Variants in SLC25A44 observed in about 807,000 individuals in gnomAD.
SLC25A44 encodes the protein solute carrier family 25 member 44.
A neutral mutation model predicts 29.9 loss-of-function variants in SLC25A44; 17 were observed. The observed-to-expected ratio is 0.57, with a 90% CI of 0.39 to 0.85. The LOEUF is 0.85. Ranked by LOEUF, SLC25A44 falls within the 40% of genes least tolerant of loss-of-function variation. The pLI is 0.00. For missense variants in SLC25A44, 302 were observed against 398.4 expected (o/e 0.76, Z 2.06); for synonymous variants, 140 against 151.8 (o/e 0.92, Z 0.57).
chr1:156,197,750 C>T (rs937449327), intron 1 of SLC25A44: 2 of 152,182 alleles, frequency 1.3e-5, no homozygotes, highest in African/African-American at 4.8e-5. Flanking sequence ...GAGCGAGACT[C>T]CGTCTGAAAA....
At chr1:156,202,830 C>G (rs1258731658) in intron 2 of SLC25A44, among the ~76,000 whole-genome samples, 1 of 152,158 alleles carries the variant, frequency 6.6e-6, no homozygotes, top group Non-Finnish European at 1.5e-5. Context: ...GCTTGTATAT[C>G]TCATAATTCC....
chr1:156,195,173 G>A (rs1656129133), intron 1 of SLC25A44, among the ~76,000 whole-genome samples: 1 of 150,114 alleles, frequency 6.7e-6, no homozygotes, highest in African/African-American at 2.5e-5. Flanking sequence ...GCGCAATCTC[G>A]GCTCACTGCA....
intron 2 of SLC25A44, among the ~76,000 whole-genome samples, chr1:156,205,336 C>T (rs1025791410): frequency 1.3e-5 from 2 of 152,198 alleles, no homozygotes; most frequent in African/African-American, 4.8e-5. Flanking sequence ...GCCACCACGC[C>T]TGGCCGAGGA....
intron 2 of SLC25A44, among the ~76,000 whole-genome samples, chr1:156,207,416 T>C (rs982631009): frequency 6.6e-6 from 1 of 152,136 alleles, no homozygotes; most frequent in South Asian, 2.1e-4. Flanking sequence ...CCTGACCTCA[T>C]GATCTGCCCG....
chr1:156,205,123 A>G (rs577961461), intron 2 of SLC25A44, among the ~76,000 whole-genome samples: 1 of 151,426 alleles, frequency 6.6e-6, no homozygotes, highest in Non-Finnish European at 1.5e-5. Flanking sequence ...GGCTCACCGC[A>G]ACCTCCACCT....
rs1236776833 is a variant in SLC25A44, at chr1:156,207,950, C to T, written c.690C>T (p.Pro230=). Residue 230 remains proline, a synonymous_variant, in exon 3 of 4, where the codon CCC becomes CCT. Transcript: ENST00000359511. ...PHIVFQAVSG[P]LAAATASILT... is the part of the protein sequence containing the mutation. Reference sequence around the variant, plus strand: ...TTGTCTTTCAAGCTGTCTCGGGGCCCCTGGCTGCAGCCACTGCCTCCATCC... The same window carrying T: ...TTGTCTTTCAAGCTGTCTCGGGGCCTCTGGCTGCAGCCACTGCCTCCATCC... The T allele has an allele frequency of 1.9e-6, 3 of 1,613,980 alleles. No individual in the cohort carries two copies. Among genetic ancestry groups the T allele is most frequent in the East Asian group, 2.2e-5 (1 of 44,882 alleles).
chr1:156,211,713 TAGGAG>T lies in SLC25A44; in HGVS notation c.*1288_*1292del, dbSNP rs1285196700. The T allele has an allele frequency of 6.5e-6, 1 of 152,748 alleles. No homozygotes were observed. Among genetic ancestry groups the T allele is most frequent in the African/African-American group, 2.4e-5 (1 of 41,432 alleles). 9.5% of individuals were successfully genotyped at this position (152,748 alleles called of 1,614,324 possible). ...ATTATCTGATGCTCTCCTCAGGAGC[TAGGAG>T]AGGAGTGCTCCTTCCTCCCTACCGC... On this transcript the variant is annotated 3_prime_UTR_variant, in exon 4 of 4. Coordinates refer to ENST00000359511, the MANE Select transcript of SLC25A44 (RefSeq NM_014655.4).
intron 2 of SLC25A44, among the ~76,000 whole-genome samples, chr1:156,207,157 G>C (rs1656992987): frequency 6.6e-6 from 1 of 151,492 alleles, no homozygotes; most frequent in Admixed American, 6.6e-5. Context: ...GCGCAACATA[G>C]TGAGACTCTC....
rs1287401296 is a variant in SLC25A44, at chr1:156,194,152, A to T, written c.-109A>T. 1 of 152,840 alleles carries T rather than the reference A, an allele frequency of 6.5e-6. No individual in the cohort carries two copies. The highest frequency in any genetic ancestry group is 1.5e-5 in the Non-Finnish European group (1 of 68,080). The allele number at this position is 152,840 out of a possible 1,614,324, so 9.5% of individuals were successfully genotyped here. On this transcript the variant is annotated 5_prime_UTR_variant, in exon 1 of 4. Coordinates refer to ENST00000359511, the MANE Select transcript of SLC25A44 (RefSeq NM_014655.4). ...GAGGAAGATGCGACCGGCAGACGGC[A>T]TTCGCTGGGAACGACGGATAGACTG...
In SLC25A44 at chr1:156,208,032, C is replaced by T. The variant is rs1657067583; in HGVS notation, c.753+19C>T. ...TGTGCAGGTAAGACTGACCACTTCC[C>T]TCACCCTCCTCCTGGAGAAGCCATT... is the stretch of plus-strand genomic sequence containing the variant. On this transcript the variant is annotated intron_variant, in intron 3 of 3. Transcript: ENST00000359511. 1 of 1,611,920 alleles carries T rather than the reference C, an allele frequency of 6.2e-7. No individual in the cohort carries two copies. Among genetic ancestry groups the T allele is most frequent in the Non-Finnish European group, 8.5e-7 (1 of 1,178,190 alleles).
intron 2 of SLC25A44, among the ~76,000 whole-genome samples, chr1:156,201,954 A>C (rs947063883): frequency 2.0e-5 from 3 of 152,208 alleles, no homozygotes; most frequent in African/African-American, 4.8e-5. Context: ...TTCTGGACAG[A>C]CATTCTGACT....
rs535439041 is a variant in SLC25A44, at chr1:156,194,655, C to A, written c.-14+408C>A. On this transcript the variant is annotated intron_variant, in intron 1 of 3. Coordinates refer to ENST00000359511, the MANE Select transcript of SLC25A44 (RefSeq NM_014655.4). Reference sequence around the variant, plus strand: ...TCTCGAAGGAGGGTTCGGAGGCATCCCCAGGCATTCCCCTAGGGAAATGTA... The same window carrying A: ...TCTCGAAGGAGGGTTCGGAGGCATCACCAGGCATTCCCCTAGGGAAATGTA... Among the ~76,000 whole-genome samples the A allele has an allele frequency of 2.0e-5, 3 of 152,120 alleles. No individual in the cohort carries two copies. The East Asian group carries it at 5.8e-4, about 29-fold the overall frequency.
At chr1:156,196,115 T>C (rs1325481814) in intron 1 of SLC25A44, 1 of 152,236 alleles carries the variant, frequency 6.6e-6, no homozygotes, top group Non-Finnish European at 1.5e-5. Context: ...GAAAGAGCCC[T>C]AAAGAAGTTG....
chr1:156,212,042 T>G lies in SLC25A44; in HGVS notation c.*1611T>G, dbSNP rs2075163. On this transcript the variant is annotated 3_prime_UTR_variant, in exon 4 of 4. Coordinates refer to ENST00000359511, the MANE Select transcript of SLC25A44 (RefSeq NM_014655.4). ...CTCTTTGAGGGTTTTCCCATTTCAC[T>G]TGATCTTATTTTTGTTTATCCCTTC... The G allele has an allele frequency of 0.048, 7,369 of 152,952 alleles. 293 individuals carry two copies. Among genetic ancestry groups the G allele is most frequent in the East Asian group, 0.23 (1,225 of 5,314 alleles). The allele number at this position is 152,952 out of a possible 1,614,324, so 9.5% of individuals were successfully genotyped here. A position where few individuals can be genotyped will look rare whatever the true frequency, so the allele number is the denominator to read the frequency against.
chr1:156,210,389 ACT>A lies in SLC25A44; in HGVS notation c.905_906del (p.Leu302GlnfsTer5), dbSNP rs1408877952. 1 of 1,602,270 alleles carries A rather than the reference ACT, an allele frequency of 6.2e-7. No homozygotes were observed. ...TGGTGGGCTATGAGAGCCTCAAGAA[ACT>A]CAGCCTCCGACCTGAGCTGGTGGAC... ...IVVGYESLKK[L>X]SLRPELVDSR... On this transcript the variant is annotated frameshift_variant, in exon 4 of 4. Transcript: ENST00000359511. LOFTEE classifies it high-confidence loss of function.
chr1:156,206,572 G>A (rs1656944458), intron 2 of SLC25A44, among the ~76,000 whole-genome samples: 1 of 151,036 alleles, frequency 6.6e-6, no homozygotes, highest in Non-Finnish European at 1.5e-5. Flanking sequence ...TTACTCTGAT[G>A]CCCAGGCTGC....
intron 2 of SLC25A44, among the ~76,000 whole-genome samples, chr1:156,203,063 A>G (rs564895308): frequency 6.6e-6 from 1 of 152,264 alleles, no homozygotes; most frequent in Admixed American, 6.5e-5. Flanking sequence ...TTTCCTTTCC[A>G]TGGTCTATAC....
chr1:156,210,536 C>T lies in SLC25A44; in HGVS notation c.*105C>T. 1.3e-6 allele frequency: 1 copy of T among 783,110 alleles called. No homozygotes were observed. Among genetic ancestry groups the T allele is most frequent in the Non-Finnish European group, 1.9e-6 (1 of 517,220 alleles). 48.5% of individuals were successfully genotyped at this position (783,110 alleles called of 1,614,324 possible). ...AGGTGCTCCCACCACACACCCAGCC[C>T]TGCCCTGGGCCAAGTGGCCTATCTG... On this transcript the variant is annotated 3_prime_UTR_variant, in exon 4 of 4. Coordinates refer to ENST00000359511, the MANE Select transcript of SLC25A44 (RefSeq NM_014655.4).
In SLC25A44 at chr1:156,211,894, A is replaced by G. The variant is rs1445423211; in HGVS notation, c.*1463A>G. 1 of 152,788 alleles carries G rather than the reference A, an allele frequency of 6.5e-6. No homozygotes were observed. 9.5% of individuals were successfully genotyped at this position (152,788 alleles called of 1,614,324 possible). A position where few individuals can be genotyped will look rare whatever the true frequency, so the allele number is the denominator to read the frequency against. ...TGGGAAAGGCCATGGTGCCAGTTTG[A>G]AAGGTGCTAGCTACCTGAAGCCTTG... On this transcript the variant is annotated 3_prime_UTR_variant, in exon 4 of 4. Coordinates refer to ENST00000359511, the MANE Select transcript of SLC25A44 (RefSeq NM_014655.4).
Sources: allele counts gnomAD v4.1 joint callset (sites outside exome capture counted in the v4.1 genomes callset), GRCh38; gene constraint gnomAD v4.1.1; transcripts MANE v1.5; gene names NCBI Gene and HGNC (gene_info 2026-07-23, HGNC 2026-07-21).